Variants in UBASH3B observed in about 807,000 individuals in gnomAD.
UBASH3B encodes ubiquitin-associated and SH3 domain-containing protein B.
UBASH3B carries 37 observed loss-of-function variants against 83.4 expected under a neutral mutation model. The ratio of observed to expected loss-of-function variants is 0.44; its 90% CI spans 0.34 to 0.58. The LOEUF (loss-of-function observed/expected upper bound fraction) is 0.58, where lower values mean the gene tolerates loss of function less well. Among genes scored for constraint, UBASH3B ranks in the 20% least tolerant of loss-of-function variants. The pLI, the probability that UBASH3B is intolerant of heterozygous loss-of-function variation, is 0.01. For missense variants in UBASH3B, 657 were observed against 827.2 expected (o/e 0.79, Z 2.52); for synonymous variants, 304 against 318.3 (o/e 0.96, Z 0.48).
At chr11:122,727,248 C>A (rs1860757754) in intron 1 of UBASH3B, among the ~76,000 whole-genome samples, 1 of 152,198 alleles carries the variant, frequency 6.6e-6, no homozygotes, top group Admixed American at 6.5e-5. Flanking sequence ...TCTTCCACCA[C>A]AAGTGCTGAG....
chr11:122,807,532 C>T (rs150414772), intron 12 of UBASH3B, among the ~76,000 whole-genome samples: 55 of 152,130 alleles, frequency 3.6e-4, no homozygotes, highest in Non-Finnish European at 5.3e-4. Context: ...ATGTATGTAA[C>T]CCTCCCATAA....
At chr11:122,776,939 A>T (rs1031915673) in intron 2 of UBASH3B, 85 bp from the exon 3 acceptor site, 3 of 1,315,370 alleles carry the variant, frequency 2.3e-6, no homozygotes, top group Non-Finnish European at 1.0e-6. Context: ...TTTGGAGCAC[A>T]TGGAGGGTGG....
At chr11:122,681,028 TC>T (rs1222319869) in intron 1 of UBASH3B, among the ~76,000 whole-genome samples, 1 of 152,164 alleles carries the variant, frequency 6.6e-6, no homozygotes, top group East Asian at 1.9e-4. Flanking sequence ...ATACCAAAAC[TC>T]TTTTTTATTT....
intron 1 of UBASH3B, among the ~76,000 whole-genome samples, chr11:122,715,384 T>G (rs1004202338): frequency 6.6e-6 from 1 of 152,252 alleles, no homozygotes; most frequent in Non-Finnish European, 1.5e-5. Flanking sequence ...AGTTGCCTCC[T>G]TCAAAACAGT....
intron 13 of UBASH3B, among the ~76,000 whole-genome samples, 154 bp from the exon 14 acceptor site, chr11:122,809,595 T>G (rs1861403010): frequency 6.6e-6 from 1 of 152,224 alleles, no homozygotes; most frequent in Non-Finnish European, 1.5e-5. Context: ...TTTATTTTAT[T>G]TATCGATTTT....
chr11:122,682,552 T>G (rs893781200), intron 1 of UBASH3B, among the ~76,000 whole-genome samples: 1 of 152,220 alleles, frequency 6.6e-6, no homozygotes, highest in African/African-American at 2.4e-5. Context: ...TTCTCCTTCA[T>G]TTGGTTCCTG....
Position 122,767,627 on chromosome 11 carries a change from T to C in UBASH3B, c.162-8592T>C, listed in dbSNP as rs1591804737. Among the ~76,000 whole-genome samples, 3 of 152,324 alleles carry C rather than the reference T, an allele frequency of 2.0e-5. No individual in the cohort carries two copies. In the East Asian group the frequency reaches 5.8e-4, roughly 29 times the overall value. Reference sequence around the variant, plus strand: ...CGCCCGGCCCCTTATGCTCTTTTTGTATTTCAAGGGAATGCTATCGGTTAA... The same window carrying C: ...CGCCCGGCCCCTTATGCTCTTTTTGCATTTCAAGGGAATGCTATCGGTTAA... On this transcript the variant is annotated intron_variant, in intron 1 of 13. Coordinates refer to ENST00000284273, the MANE Select transcript of UBASH3B (RefSeq NM_032873.5).
chr11:122,735,969 A>T (rs1420627413), intron 1 of UBASH3B, among the ~76,000 whole-genome samples: 1 of 152,194 alleles, frequency 6.6e-6, no homozygotes, highest in Non-Finnish European at 1.5e-5. Context: ...GTTACATCTG[A>T]GCTCTAGAAT....
intron 1 of UBASH3B, among the ~76,000 whole-genome samples, chr11:122,657,849 C>A (rs1412585409): frequency 6.6e-6 from 1 of 152,062 alleles, no homozygotes; most frequent in African/African-American, 2.4e-5. Context: ...GTGGACGCTT[C>A]AGGTGAAGTC....
At chr11:122,808,240 G>T in intron 13 of UBASH3B, 64 bp downstream of exon 13, 1 of 1,249,666 alleles carries the variant, frequency 8.0e-7, no homozygotes, top group South Asian at 1.2e-5. Flanking sequence ...ACAGTGACTG[G>T]CTGATTACCA....
intron 1 of UBASH3B, among the ~76,000 whole-genome samples, chr11:122,692,783 T>G (rs1438282534): frequency 6.6e-6 from 1 of 152,100 alleles, no homozygotes; most frequent in Non-Finnish European, 1.5e-5. Flanking sequence ...GCAACAGAAA[T>G]AGAAGACACA....
In UBASH3B at chr11:122,758,473, T is replaced by TA. The variant is rs1300584845; in HGVS notation, c.162-17745dup. Among the ~76,000 whole-genome samples the TA allele has an allele frequency of 6.6e-6, 1 of 152,194 alleles. No individual in the cohort carries two copies. The highest frequency in any genetic ancestry group is 1.5e-5 in the Non-Finnish European group (1 of 68,046). On this transcript the variant is annotated intron_variant, in intron 1 of 13. Transcript: ENST00000284273. The surrounding 1 kb of genome is among the most constrained non-coding windows in gnomAD (Gnocchi z 4.2). The stretch of plus-strand genomic sequence containing the variant: ...CCTCCAGGAGCTTCCCAGACAGGCC[T>TA]AGCCTGCTTAGAGTCGGGACAGCTG...
At chr11:122,792,510 G>T (rs1258057699) in intron 6 of UBASH3B, among the ~76,000 whole-genome samples, 1 of 151,748 alleles carries the variant, frequency 6.6e-6, no homozygotes, top group East Asian at 1.9e-4. Flanking sequence ...ATAGAGACGG[G>T]GTTTCACCAC....
At chr11:122,749,699 G>A (rs1430534965) in intron 1 of UBASH3B, among the ~76,000 whole-genome samples, 2 of 152,126 alleles carry the variant, frequency 1.3e-5, no homozygotes, top group Non-Finnish European at 1.5e-5. Context: ...CAGAGTAATC[G>A]CTATTTGAGA....
intron 1 of UBASH3B, among the ~76,000 whole-genome samples, chr11:122,665,183 C>A (rs895753507): frequency 6.6e-6 from 1 of 152,136 alleles, no homozygotes; most frequent in Non-Finnish European, 1.5e-5. Flanking sequence ...AGGTGTGAGC[C>A]ACTGCGCCCG....
chr11:122,803,664 G>A (rs1286467454), intron 11 of UBASH3B, among the ~76,000 whole-genome samples: 1 of 152,166 alleles, frequency 6.6e-6, no homozygotes, highest in Non-Finnish European at 1.5e-5. Context: ...GAGGACAGGG[G>A]ACTGGGGGAG....
At chr11:122,663,710 C>A (rs1863478061) in intron 1 of UBASH3B, among the ~76,000 whole-genome samples, 1 of 152,204 alleles carries the variant, frequency 6.6e-6, no homozygotes, top group East Asian at 1.9e-4. Flanking sequence ...GCTGAAGAGA[C>A]CCCATCATTA....
intron 1 of UBASH3B, 120 bp downstream of exon 1, chr11:122,656,330 G>T (rs930755503): frequency 1.2e-5 from 13 of 1,068,740 alleles, no homozygotes; most frequent in African/African-American, 3.3e-5. Context: ...CGCTGCCCGA[G>T]ACCTGTTGGG....
rs186846244 is a variant in UBASH3B at position 122,664,697 on chromosome 11, C to T, written c.161+8487C>T. On this transcript the variant is annotated intron_variant, in intron 1 of 13. Coordinates refer to ENST00000284273, the MANE Select transcript of UBASH3B (RefSeq NM_032873.5). ...GTGACTTTGCAGTCATGCTCTTTGC[C>T]ACTTACTATCTATGACGGTGAGGCC... Among the ~76,000 whole-genome samples, 26 of 152,314 alleles carry T rather than the reference C, an allele frequency of 1.7e-4. 1 individual carries two copies. In the East Asian group the frequency reaches 4.2e-3, roughly 25 times the overall value.
Sources: gnomAD v4.1 joint callset for allele counts (sites outside exome capture counted in the v4.1 genomes callset) on GRCh38, gnomAD v4.1.1 for gene constraint, Gnocchi (gnomAD v3.1) non-coding constraint, MANE v1.5 for transcripts, NCBI Gene and HGNC (gene_info 2026-07-23, HGNC 2026-07-21) for gene names.